The following RADIL variants were observed in gnomAD, a reference collection of about 807,000 sequenced individuals.
The protein encoded by RADIL is ras-associating and dilute domain-containing protein.
In RADIL, 99 loss-of-function variants were observed where a neutral mutation model predicts 97.6. The ratio of observed to expected loss-of-function variants is 1.01; its 90% CI spans 0.86 to 1.20. The LOEUF is 1.20. Ranked by LOEUF, RADIL falls within the 50% of genes most tolerant of loss-of-function variation. RADIL has a pLI of 0.00. For synonymous variants in RADIL, 803 were observed against 691.8 expected (o/e 1.16, Z -2.52); for missense variants, 1,765 against 1,498.9 (o/e 1.18, Z -2.93).
At position 4,815,392 on chromosome 7, in the gene RADIL, C is replaced by CG; in HGVS notation, c.2024_2025insC (p.Gln675HisfsTer167). Reference sequence around the variant, plus strand: ...CGCTCCGCATCCACTCCAGGAGCTGCTGCAGGCGGGCGCAGGCCTGGACAC... The same window carrying CG: ...CGCTCCGCATCCACTCCAGGAGCTGCGTGCAGGCGGGCGCAGGCCTGGACAC... On this transcript the variant is annotated frameshift_variant, in exon 9 of 15. Transcript: ENST00000399583. LOFTEE classifies it high-confidence loss of function. This position sits in a 1 kb window ranked among gnomAD's most constrained non-coding sequence, Gnocchi z 8.0. The CG allele has an allele frequency of 6.4e-7, 1 of 1,565,326 alleles. No individual in the cohort carries two copies. Among genetic ancestry groups the CG allele is most frequent in the Non-Finnish European group, 8.7e-7 (1 of 1,155,254 alleles).
intron 2 of RADIL, chr7:4,865,362 GTTT>G (rs139591974): frequency 1.7e-6 from 1 of 577,388 alleles, no homozygotes; most frequent in Non-Finnish European, 3.2e-6. Flanking sequence ...TTTCTGTGTG[GTTT>G]TTTTTTGTTG....
rs1394455956 is a variant in RADIL, at chr7:4,822,410, C to T, written c.1599G>A (p.Glu533=). The T allele has an allele frequency of 4.3e-6, 7 of 1,611,772 alleles. No homozygotes were observed. Among genetic ancestry groups the T allele is most frequent in the Admixed American group, 1.7e-5 (1 of 59,826 alleles). The change falls in exon 6 of 15, where the codon GAG becomes GAA. Residue 533 remains glutamate (E), a synonymous_variant. Coordinates refer to ENST00000399583, the MANE Select transcript of RADIL (RefSeq NM_018059.5). This position sits in a 1 kb window ranked among gnomAD's most constrained non-coding sequence, Gnocchi z 5.3. ...CAGCCGTACCTGTGATGTCCAGCTG[C>T]TCCTCCATGCTCTGCATGTAGAGTG... ...KCPLYMQSME[E]QLDITGSKES...
At chr7:4,843,989 A>C (rs1188489889) in intron 2 of RADIL, among the ~76,000 whole-genome samples, 1 of 152,068 alleles carries the variant, frequency 6.6e-6, no homozygotes, top group Admixed American at 6.5e-5. Context: ...TTGGGAACCA[A>C]TTCTGCCATG....
chr7:4,816,214 C>A lies in RADIL; in HGVS notation c.1966+14G>T, dbSNP rs369599219. 2.0e-4 allele frequency: 320 copies of A among 1,602,846 alleles called. No homozygotes were observed. In the African/African-American group the frequency reaches 3.4e-3, roughly 17 times the overall value. On this transcript the variant is annotated intron_variant, in intron 8 of 14. Coordinates refer to ENST00000399583, the MANE Select transcript of RADIL (RefSeq NM_018059.5). ...GTGAGCCCCCGACCCCTCAACCCTG[C>A]ACGAGGCCCTCACCCCTGTCGAGGA...
rs1335498553 is a variant in RADIL at position 4,873,542 on chromosome 7, C to A, written c.535+4063G>T. Among the ~76,000 whole-genome samples the A allele has an allele frequency of 1.3e-5, 2 of 152,224 alleles. No homozygotes were observed. The highest frequency in any genetic ancestry group is 2.9e-5 in the Non-Finnish European group (2 of 68,040). ...AATGCAGGAGCTGAAGGGGCCCTGG[C>A]GTGCGCTGGACCTCACTGGGCCTGC... On this transcript the variant is annotated intron_variant, in intron 2 of 14. Coordinates refer to ENST00000399583, the MANE Select transcript of RADIL (RefSeq NM_018059.5). This position sits in a 1 kb window ranked among gnomAD's most constrained non-coding sequence, Gnocchi z 4.3.
chr7:4,877,745 C>T lies in RADIL; in HGVS notation c.395G>A (p.Arg132Gln), dbSNP rs756459668. Reference protein sequence around the residue: ...AGQRWQARCFRVFGDSEKPLL... With the variant: ...AGQRWQARCFQVFGDSEKPLL... The stretch of plus-strand genomic sequence containing the variant: ...GGGCTTCTCACTGTCCCCAAACACC[C>T]GAAAGCACCGGGCCTGCCACCGCTG... Residue 132 changes from arginine to glutamine, a missense_variant, in exon 2 of 15, where the codon CGG becomes CAG. Transcript: ENST00000399583. 19 of 1,613,654 alleles carry T rather than the reference C, an allele frequency of 1.2e-5. No homozygotes were observed. The East Asian group carries it at 1.6e-4, about 13-fold the overall frequency.
At chr7:4,831,617 C>T (rs923265424) in intron 5 of RADIL, among the ~76,000 whole-genome samples, 18 of 148,028 alleles carry the variant, frequency 1.2e-4, no homozygotes, top group Admixed American at 3.4e-4. Context: ...CAGTGGCTCA[C>T]GCCTGTAATC....
chr7:4,820,648 T>C (rs537090773), intron 6 of RADIL, among the ~76,000 whole-genome samples: 14 of 152,286 alleles, frequency 9.2e-5, no homozygotes, highest in African/African-American at 3.1e-4. Context: ...GAAGGAACCG[T>C]GGCCGGCAGG....
At chr7:4,836,729 G>A (rs1783311575) in intron 2 of RADIL, 124 bp from the exon 3 acceptor site, 1 of 1,318,114 alleles carries the variant, frequency 7.6e-7, no homozygotes, top group Non-Finnish European at 1.0e-6. Flanking sequence ...CCTGAGGTCA[G>A]GAGCTCGAGA....
At chr7:4,858,085 T>A (rs77021497) in intron 2 of RADIL, 2 of 152,542 alleles carry the variant, frequency 1.3e-5, no homozygotes, top group Non-Finnish European at 2.9e-5. Context: ...ACCCGATTTA[T>A]TATTGTGGTG....
chr7:4,823,331 CTTTTTTTTTTTT>C (rs60439750), intron 5 of RADIL, among the ~76,000 whole-genome samples: 1 of 129,592 alleles, frequency 7.7e-6, no homozygotes, highest in Admixed American at 7.8e-5. Flanking sequence ...TATTAAAAAC[CTTTTTTTTTTTT>C]TTTTTTTTTA....
In RADIL at chr7:4,840,179, C is replaced by T. The variant is rs1468277457; in HGVS notation, c.536-3574G>A. ...ACCCAGCACTCTGCTCCCAGGGGGT[C>T]GGCTGTCAGGCTTGTTGGGGGCCGA... On this transcript the variant is annotated intron_variant, in intron 2 of 14. Transcript: ENST00000399583. The surrounding 1 kb of genome is among the most constrained non-coding windows in gnomAD (Gnocchi z 5.6). Among the ~76,000 whole-genome samples, 4 of 152,162 alleles carry T rather than the reference C, an allele frequency of 2.6e-5. No homozygotes were observed. The highest frequency in any genetic ancestry group is 5.9e-5 in the Non-Finnish European group (4 of 68,014).
Position 4,817,126 on chromosome 7 carries a change from G to T in RADIL, c.1728+113C>A. The T allele has an allele frequency of 2.3e-6, 2 of 875,644 alleles. No individual in the cohort carries two copies. The highest frequency in any genetic ancestry group is 1.7e-5 in the South Asian group (1 of 60,120). 54.2% of individuals were successfully genotyped at this position (875,644 alleles called of 1,614,324 possible). ...TCCCTGATGAAGTGGAGCTTGTCAC[G>T]GTCCCCTCCCTCAGCCCCCCAGAAG... On this transcript the variant is annotated intron_variant, in intron 7 of 14. Coordinates refer to ENST00000399583, the MANE Select transcript of RADIL (RefSeq NM_018059.5). This position sits in a 1 kb window ranked among gnomAD's most constrained non-coding sequence, Gnocchi z 8.3.
intron 10 of RADIL, 29 bp downstream of exon 10, chr7:4,805,537 G>T: frequency 6.4e-7 from 1 of 1,552,512 alleles, no homozygotes. Flanking sequence ...TGAGTCCCCA[G>T]CCCTCTCCTG....
At position 4,842,831 on chromosome 7, in the gene RADIL, A is replaced by G. The variant is rs925753922; in HGVS notation, c.536-6226T>C. On this transcript the variant is annotated intron_variant, in intron 2 of 14. Coordinates refer to ENST00000399583, the MANE Select transcript of RADIL (RefSeq NM_018059.5). This position sits in a 1 kb window ranked among gnomAD's most constrained non-coding sequence, Gnocchi z 4.5. The stretch of plus-strand genomic sequence containing the variant: ...CGTTCCTGGGCTGGGGAACTTTACC[A>G]CTACTGGGGAACCGGAGACCATTGT... 1.1e-4 allele frequency among the ~76,000 whole-genome samples: 17 copies of G among 151,948 alleles called. No individual in the cohort carries two copies. The highest frequency in any genetic ancestry group is 4.1e-4 in the African/African-American group (17 of 41,446).
At chr7:4,832,741 C>CAAAAA (rs71032992) in intron 4 of RADIL, among the ~76,000 whole-genome samples, 25 of 66,396 alleles carry the variant, frequency 3.8e-4, no homozygotes, top group Non-Finnish European at 5.0e-4. Context: ...TCCGTCTCAG[C>CAAAAA]AAAAAAAAAA....
Position 4,836,353 on chromosome 7 carries a change from C to A in RADIL, c.783+5G>T. ...GGGCAGTGGGTGTCAGGAGGGGAGG[C>A]TCACGTGCTGCTGGCTGTAGCCCTG... On this transcript the variant is annotated splice_donor_5th_base_variant and intron_variant, in intron 3 of 14. Transcript: ENST00000399583. The A allele has an allele frequency of 1.3e-6, 2 of 1,568,988 alleles. No individual in the cohort carries two copies. The highest frequency in any genetic ancestry group is 1.7e-4 in the Middle Eastern group (1 of 5,904).
chr7:4,808,025 CATCT>C (rs1430924277), intron 9 of RADIL, among the ~76,000 whole-genome samples: 6 of 100,550 alleles, frequency 6.0e-5, no homozygotes, highest in South Asian at 4.7e-4. Context: ...CCTCTCCCTC[CATCT>C]TTCTCCGCTC....
chr7:4,878,725 G>A lies in RADIL; in HGVS notation c.-64-522C>T, dbSNP rs920810237. ...CAATGAGGTCGCCTAAGTAAGACACGCTCCGCTGCAGGGCTTGGATTTCTG... is the reference window on the plus strand; with the variant it reads ...CAATGAGGTCGCCTAAGTAAGACACACTCCGCTGCAGGGCTTGGATTTCTG... On this transcript the variant is annotated intron_variant, in intron 1 of 14. Coordinates refer to ENST00000399583, the MANE Select transcript of RADIL (RefSeq NM_018059.5). This position sits in a 1 kb window ranked among gnomAD's most constrained non-coding sequence, Gnocchi z 4.1. 1.2e-4 allele frequency among the ~76,000 whole-genome samples: 19 copies of A among 152,216 alleles called. No individual in the cohort carries two copies. The highest frequency in any genetic ancestry group is 3.9e-4 in the African/African-American group (16 of 41,462).
Sources: allele counts gnomAD v4.1 joint callset (sites outside exome capture counted in the v4.1 genomes callset), GRCh38; gene constraint gnomAD v4.1.1; non-coding constraint Gnocchi (gnomAD v3.1); transcripts MANE v1.5; gene names NCBI Gene and HGNC (gene_info 2026-07-23, HGNC 2026-07-21).